The following SHOC1 variants were observed in gnomAD, a reference collection of about 807,000 sequenced individuals.
SHOC1 encodes shortage in chiasmata 1.
Under a neutral mutation model 179.2 loss-of-function variants are expected in SHOC1, and 136 were observed. The ratio of observed to expected loss-of-function variants is 0.76; its 90% CI spans 0.66 to 0.87. SHOC1 has a LOEUF of 0.87. Among genes scored for constraint, SHOC1 ranks in the 40% least tolerant of loss-of-function variants. The pLI, the probability that SHOC1 is intolerant of heterozygous loss-of-function variation, is 0.00. For missense variants in SHOC1, 1,538 were observed against 1,700.8 expected, an observed-to-expected ratio of 0.90 and a Z score of 1.68; for synonymous variants, 489 against 586.6, an observed-to-expected ratio of 0.83 and a Z score of 2.41.
Position 111,723,923 on chromosome 9 carries a change from A to C in SHOC1, c.1835-12T>G, listed in dbSNP as rs763914767. On this transcript the variant is annotated splice_polypyrimidine_tract_variant and intron_variant, in intron 13 of 27. Coordinates refer to ENST00000682961, the MANE Select transcript of SHOC1 (RefSeq NM_001378211.1). Reference sequence around the variant, plus strand: ...ACATGCTTCTTTATCTTGAAATTCCAATAAAAAATATAAATTTTTGTTGTT... The same window carrying C: ...ACATGCTTCTTTATCTTGAAATTCCCATAAAAAATATAAATTTTTGTTGTT... The C allele has an allele frequency of 3.3e-6, 5 of 1,493,222 alleles. No individual in the cohort carries two copies. The highest frequency in any genetic ancestry group is 4.5e-6 in the Non-Finnish European group (5 of 1,103,042). The allele number at this position is 1,493,222 out of a possible 1,614,324, so 92.5% of individuals were successfully genotyped here.
chr9:111,712,527 C>G (rs12337097), intron 18 of SHOC1, among the ~76,000 whole-genome samples: 8,675 of 152,138 alleles, frequency 0.057, 630 homozygotes, highest in African/African-American at 0.17. Context: ...CTTCAGTTAA[C>G]ACAAAGGAGA....
At chr9:111,759,147 T>C (rs779143085) in intron 5 of SHOC1, 8 of 1,595,806 alleles carry the variant, frequency 5.0e-6, no homozygotes, top group East Asian at 4.5e-5. Context: ...AAATATCTTA[T>C]GGACTTACAC....
intron 22 of SHOC1, among the ~76,000 whole-genome samples, chr9:111,703,377 C>T (rs1832075425): frequency 1.3e-5 from 2 of 152,216 alleles, no homozygotes; most frequent in South Asian, 4.1e-4. Flanking sequence ...ATCAAGCAAA[C>T]ATATCAGGGA....
At chr9:111,718,368 G>A in intron 15 of SHOC1, 80 bp from the exon 16 acceptor site, 2 of 851,744 alleles carry the variant, frequency 2.3e-6, no homozygotes, top group Non-Finnish European at 3.5e-6. Context: ...GCCTAATAAT[G>A]GGAGCTAACA....
rs749230148 is a variant in SHOC1, at chr9:111,722,388, G to GT, written c.2131+20dup. 4 of 1,558,984 alleles carry GT rather than the reference G, an allele frequency of 2.6e-6. No individual in the cohort carries two copies. The African/African-American group carries it at 5.6e-5, about 22-fold the overall frequency. ...TTCTAAGCATATCTTTTTAAATAAC[G>GT]TGACTTTTATTTGTACTCACCTTGG... On this transcript the variant is annotated intron_variant, in intron 15 of 27. Coordinates refer to ENST00000682961, the MANE Select transcript of SHOC1 (RefSeq NM_001378211.1).
chr9:111,691,026 A>C (rs899755912), intron 27 of SHOC1, among the ~76,000 whole-genome samples: 1 of 152,228 alleles, frequency 6.6e-6, no homozygotes, highest in African/African-American at 2.4e-5. Flanking sequence ...TAGAAACAAG[A>C]AAATTAAATT....
chr9:111,708,650 T>C (rs1448920976), intron 18 of SHOC1, among the ~76,000 whole-genome samples: 4 of 152,222 alleles, frequency 2.6e-5, no homozygotes, highest in Non-Finnish European at 5.9e-5. Context: ...TTCAATGTAA[T>C]AGGAATGCCT....
chr9:111,794,273 C>CA (rs75752118), intron 1 of SHOC1, among the ~76,000 whole-genome samples: 118,905 of 147,874 alleles, frequency 0.8, 48,020 homozygotes, highest in East Asian at 0.92. Context: ...GCATAAAAAC[C>CA]CACTTAAAAA....
chr9:111,692,163 T>G lies in SHOC1; in HGVS notation c.3814A>C (p.Ile1272Leu). The G allele has an allele frequency of 6.2e-7, 1 of 1,613,700 alleles. No homozygotes were observed. Among genetic ancestry groups the G allele is most frequent in the Non-Finnish European group, 8.5e-7 (1 of 1,179,734 alleles). ...SNIGQNTPFL[I>L]NIESRRPAYN... ...GCCGGTCTCCTTGATTCTATATTAA[T>G]TAGAAAAGGAGTATTCTGCCCTATA... is the stretch of plus-strand genomic sequence containing the variant. The change falls in exon 27 of 28, where the codon ATT (isoleucine) becomes CTT (leucine). Residue 1272 changes from isoleucine to leucine, a missense_variant. Coordinates refer to ENST00000682961, the MANE Select transcript of SHOC1 (RefSeq NM_001378211.1).
At chr9:111,787,481 C>T (rs534450115) in intron 2 of SHOC1, among the ~76,000 whole-genome samples, 2 of 152,276 alleles carry the variant, frequency 1.3e-5, no homozygotes, top group South Asian at 2.1e-4. Flanking sequence ...AAGTACATAA[C>T]TATAGAGGTG....
At chr9:111,739,816 A>G (rs1458568969) in intron 11 of SHOC1, among the ~76,000 whole-genome samples, 1 of 152,138 alleles carries the variant, frequency 6.6e-6, no homozygotes, top group African/African-American at 2.4e-5. Context: ...TCATGCCAAT[A>G]TATTTTGTGA....
chr9:111,725,138 T>C (rs1331670183), intron 13 of SHOC1, among the ~76,000 whole-genome samples: 1 of 152,218 alleles, frequency 6.6e-6, no homozygotes, highest in Non-Finnish European at 1.5e-5. Flanking sequence ...TAATGGACTA[T>C]ATTCTAAACT....
At chr9:111,769,986 G>GTTTTTTTTTTTTTTTTTTTTTTTTTTT (rs769266659) in intron 5 of SHOC1, among the ~76,000 whole-genome samples, 2 of 77,660 alleles carry the variant, frequency 2.6e-5, no homozygotes, top group African/African-American at 1.3e-4. Context: ...TTTTTTTTTT[G>GTTTTTTTTTTTTTTTTTTTTTTTTTTT]TTTTTTTTTT....
chr9:111,759,606 T>C (rs1835048840), intron 5 of SHOC1: 1 of 1,024,720 alleles, frequency 9.8e-7, no homozygotes, highest in African/African-American at 1.7e-5. Flanking sequence ...AGTTTTTGAG[T>C]AGAAAGAGAA....
In SHOC1 at chr9:111,778,770, C is replaced by CA. The variant is rs11295075; in HGVS notation, c.257+2159dup. On this transcript the variant is annotated intron_variant, in intron 4 of 27. Transcript: ENST00000682961. ...TAGGTGACAGAGAGAGACTCTGTCT[C>CA]AAAAAAAAAAAAAAAAAAAAAGAGA... Among the ~76,000 whole-genome samples, 256 of 73,906 alleles carry CA rather than the reference C, an allele frequency of 3.5e-3. 4 individuals are homozygous for CA. Among genetic ancestry groups the CA allele is most frequent in the Middle Eastern group, 9.3e-3 (1 of 108 alleles). The allele number at this position is 73,906 out of a possible 152,430, so 48.5% of individuals were successfully genotyped here.
chr9:111,711,612 G>C (rs962448409), intron 18 of SHOC1, among the ~76,000 whole-genome samples: 2 of 152,196 alleles, frequency 1.3e-5, no homozygotes, highest in African/African-American at 4.8e-5. Context: ...CAATGGTAGG[G>C]AAGGAAACTG....
Position 111,703,891 on chromosome 9 carries a change from A to G in SHOC1, c.2957T>C (p.Ile986Thr). The G allele has an allele frequency of 6.3e-7, 1 of 1,584,424 alleles. No individual in the cohort carries two copies. The highest frequency in any genetic ancestry group is 8.6e-7 in the Non-Finnish European group (1 of 1,157,652). The change falls in exon 22 of 28, where the codon ATA (isoleucine) becomes ACA (threonine). Residue 986 changes from isoleucine (I) to threonine (T), a missense_variant. Transcript: ENST00000682961. ...VVVTIDEHTAIILQDLEELNY... is the reference protein window; with the variant it reads ...VVVTIDEHTATILQDLEELNY... ...TCTACCTAGTTTTACCTGCAAAATT[A>G]TGGCAGTGTGTTCATCAATTGTCAC... is the stretch of plus-strand genomic sequence containing the variant.
At position 111,692,157 on chromosome 9, in the gene SHOC1, T is replaced by C. The variant is rs770557223; in HGVS notation, c.3820A>G (p.Ile1274Val). Residue 1274 changes from isoleucine to valine, a missense_variant, in exon 27 of 28, where the codon ATA (isoleucine) becomes GTA (valine). By Grantham distance (29) the Ile-to-Val change is conservative (BLOSUM62 3). Transcript: ENST00000682961. ...TTATAAGCCGGTCTCCTTGATTCTA[T>C]ATTAATTAGAAAAGGAGTATTCTGC... The part of the protein sequence containing the change: ...IGQNTPFLIN[I>V]ESRRPAYNSF... 4.3e-6 allele frequency: 7 copies of C among 1,613,678 alleles called. No individual in the cohort carries two copies. The highest frequency in any genetic ancestry group is 5.9e-6 in the Non-Finnish European group (7 of 1,179,826).
chr9:111,721,263 A>G (rs1437252715), intron 15 of SHOC1, among the ~76,000 whole-genome samples: 1 of 152,178 alleles, frequency 6.6e-6, no homozygotes, highest in Non-Finnish European at 1.5e-5. Flanking sequence ...AATGCAGCAT[A>G]GTAGTCCCTC....
Sources: allele counts gnomAD v4.1 joint callset (sites outside exome capture counted in the v4.1 genomes callset), GRCh38; gene constraint gnomAD v4.1.1; transcripts MANE v1.5; gene names NCBI Gene and HGNC (gene_info 2026-07-23, HGNC 2026-07-21).